SPATA17: variants seen among roughly 807,000 people sequenced by gnomAD.
The protein encoded by SPATA17 is spermatogenesis-associated protein 17.
Under a neutral mutation model 62.2 loss-of-function variants are expected in SPATA17, and 53 were observed. That is an observed-to-expected ratio of 0.85 (90% CI 0.68 to 1.07). The LOEUF is 1.07. Ranked by LOEUF, SPATA17 falls within the 50% of genes least tolerant of loss-of-function variation. SPATA17 has a pLI of 0.00. For synonymous variants in SPATA17, 146 were observed against 146.8 expected (o/e 0.99, Z 0.04); for missense variants, 466 against 425.5 (o/e 1.10, Z -0.84).
intron 3 of SPATA17, among the ~76,000 whole-genome samples, chr1:217,656,526 T>A (rs1048285815): frequency 2.0e-5 from 3 of 151,610 alleles, no homozygotes; most frequent in Non-Finnish European, 2.9e-5. Flanking sequence ...AGCTCTAAGC[T>A]CCTTGGGAAT....
At chr1:217,848,366 A>ATTT (rs1675573773) in intron 9 of SPATA17, among the ~76,000 whole-genome samples, 1 of 152,158 alleles carries the variant, frequency 6.6e-6, no homozygotes, top group African/African-American at 2.4e-5. Flanking sequence ...ATGAGTATTT[A>ATTT]GCTCTCTTAT....
intron 6 of SPATA17, among the ~76,000 whole-genome samples, chr1:217,771,837 T>A (rs975171836): frequency 6.9e-5 from 2 of 28,820 alleles, no homozygotes; most frequent in East Asian, 2.0e-3. Flanking sequence ...TACACGTGCA[T>A]GCAAATGTGC....
At chr1:217,790,991 A>G (rs1423892044) in intron 8 of SPATA17, among the ~76,000 whole-genome samples, 1 of 152,208 alleles carries the variant, frequency 6.6e-6, no homozygotes, top group Non-Finnish European at 1.5e-5. Context: ...TAAAATTTGC[A>G]TATTTTCTGA....
chr1:217,793,208 G>C (rs1258217331), intron 8 of SPATA17, among the ~76,000 whole-genome samples: 1 of 148,636 alleles, frequency 6.7e-6, no homozygotes, highest in Non-Finnish European at 1.5e-5. Flanking sequence ...TTAATGTTAG[G>C]GCAGTGGTTT....
intron 3 of SPATA17, among the ~76,000 whole-genome samples, chr1:217,660,675 A>T (rs1034958649): frequency 2.0e-5 from 3 of 152,178 alleles, no homozygotes; most frequent in Admixed American, 2.0e-4. Context: ...CCTCTGGCAA[A>T]AGAATGGCAT....
intron 8 of SPATA17, among the ~76,000 whole-genome samples, chr1:217,793,673 A>G (rs1674062392): frequency 6.6e-6 from 1 of 151,238 alleles, no homozygotes; most frequent in South Asian, 2.1e-4. Context: ...AGTTCTGGTT[A>G]AGAGTCATTA....
At position 217,669,092 on chromosome 1, in the gene SPATA17, T is replaced by G; in HGVS notation, c.291+9T>G. ...ATGCAATGGCTGTCAGGGTAAATAT[T>G]TCTTCACTTGTTAAACAAATGAAAA... On this transcript the variant is annotated intron_variant, in intron 4 of 10. Coordinates refer to ENST00000366933, the MANE Select transcript of SPATA17 (RefSeq NM_138796.4). 1 of 1,608,820 alleles carries G rather than the reference T, an allele frequency of 6.2e-7. No homozygotes were observed. The highest frequency in any genetic ancestry group is 1.1e-5 in the South Asian group (1 of 90,104).
At chr1:217,720,973 A>G (rs1331709547) in intron 5 of SPATA17, among the ~76,000 whole-genome samples, 5 of 152,190 alleles carry the variant, frequency 3.3e-5, no homozygotes, top group Non-Finnish European at 7.3e-5. Context: ...GTAACTAGAA[A>G]GACATATATA....
chr1:217,680,423 G>A (rs757858337), intron 4 of SPATA17, among the ~76,000 whole-genome samples: 5 of 152,186 alleles, frequency 3.3e-5, no homozygotes, highest in Non-Finnish European at 7.4e-5. Flanking sequence ...TTTTCATTAG[G>A]AAAGTGGTTC....
chr1:217,697,460 CTTT>C (rs1671485727), intron 5 of SPATA17, among the ~76,000 whole-genome samples: 2 of 152,108 alleles, frequency 1.3e-5, no homozygotes, highest in South Asian at 2.1e-4. Flanking sequence ...CTCATTTCTT[CTTT>C]TATTTCAATA....
intron 6 of SPATA17, among the ~76,000 whole-genome samples, chr1:217,753,279 T>C (rs886511591): frequency 1.1e-4 from 17 of 152,218 alleles, no homozygotes; most frequent in Admixed American, 7.2e-4. Flanking sequence ...TCATGTACTA[T>C]GTGAAAACCC....
intron 5 of SPATA17, among the ~76,000 whole-genome samples, chr1:217,697,973 AT>A (rs1213188718): frequency 3.3e-5 from 5 of 151,126 alleles, no homozygotes; most frequent in African/African-American, 9.7e-5. Context: ...ACTCTTCACC[AT>A]TTTTTTTTCT....
At chr1:217,844,343 G>A (rs1675477474) in intron 9 of SPATA17, among the ~76,000 whole-genome samples, 1 of 152,102 alleles carries the variant, frequency 6.6e-6, no homozygotes, top group South Asian at 2.1e-4. Context: ...TTACAGGATT[G>A]CCAGTTGCAT....
intron 6 of SPATA17, among the ~76,000 whole-genome samples, chr1:217,743,866 C>T (rs1672682575): frequency 6.6e-6 from 1 of 152,042 alleles, no homozygotes; most frequent in African/African-American, 2.4e-5. Context: ...GCCTGGGCCT[C>T]CCAAAGTGCT....
At chr1:217,740,584 T>G (rs148520157) in intron 5 of SPATA17, among the ~76,000 whole-genome samples, 2 of 152,262 alleles carry the variant, frequency 1.3e-5, no homozygotes, top group East Asian at 3.9e-4. Context: ...CAGACACAGA[T>G]AGAGATCCTT....
chr1:217,650,591 T>C (rs1026895623), intron 2 of SPATA17, among the ~76,000 whole-genome samples: 18 of 152,020 alleles, frequency 1.2e-4, no homozygotes, highest in African/African-American at 4.3e-4. Context: ...GGCTAATTTT[T>C]GTATTTTTAG....
rs76093629 is a variant in SPATA17 at position 217,715,267 on chromosome 1, C to T, written c.396-26708C>T. On this transcript the variant is annotated intron_variant, in intron 5 of 10. Coordinates refer to ENST00000366933, the MANE Select transcript of SPATA17 (RefSeq NM_138796.4). ...ATGATATTGAAATATCTTTTTTACT[C>T]CTGAAGCATAAAGGTTGTTTTGAAT... is the stretch of plus-strand genomic sequence containing the variant. Among the ~76,000 whole-genome samples the T allele has an allele frequency of 2.1e-3, 325 of 152,196 alleles. 2 individuals carry two copies. The East Asian group carries it at 0.024, about 11-fold the overall frequency.
At position 217,749,985 on chromosome 1, in the gene SPATA17, C is replaced by CTGTATATATATA; in HGVS notation, c.519+7888_519+7889insGTATATATATAT. 1.6e-4 allele frequency among the ~76,000 whole-genome samples: 2 copies of CTGTATATATATA among 12,316 alleles called. 1 individual carries two copies. Among genetic ancestry groups the CTGTATATATATA allele is most frequent in the African/African-American group, 6.1e-4 (2 of 3,288 alleles). The allele number at this position is 12,316 out of a possible 152,430, so 8.1% of individuals were successfully genotyped here. On this transcript the variant is annotated intron_variant, in intron 6 of 10. Coordinates refer to ENST00000366933, the MANE Select transcript of SPATA17 (RefSeq NM_138796.4). ...TCTCTCTCTCTCTCTCTCTCTCTCTCTATATATATATATATATATATATAT... is the reference window on the plus strand; with the variant it reads ...TCTCTCTCTCTCTCTCTCTCTCTCTCTGTATATATATATATATATATATATATATATATATAT...
chr1:217,808,758 G>A lies in SPATA17; in HGVS notation c.1005+6908G>A, dbSNP rs144857835. On this transcript the variant is annotated intron_variant, in intron 9 of 10. Coordinates refer to ENST00000366933, the MANE Select transcript of SPATA17 (RefSeq NM_138796.4). ...TAGCCCCAGCTACTTGGGAGGCTGA[G>A]GCAGGAGAATCGCTTGAACCTGGGA... Among the ~76,000 whole-genome samples the A allele has an allele frequency of 8.6e-3, 1,313 of 152,068 alleles. 14 individuals are homozygous for A. The highest frequency in any genetic ancestry group is 0.03 in the African/African-American group (1,246 of 41,456).
Sources: gnomAD v4.1 joint callset for allele counts (sites outside exome capture counted in the v4.1 genomes callset) on GRCh38, gnomAD v4.1.1 for gene constraint, MANE v1.5 for transcripts, NCBI Gene and HGNC (gene_info 2026-07-23, HGNC 2026-07-21) for gene names.